NPR2: variants seen among roughly 807,000 people sequenced by gnomAD.
The protein encoded by NPR2 is atrial natriuretic peptide receptor 2.
In NPR2, 49 loss-of-function variants were observed where a neutral mutation model predicts 120.7. The ratio of observed to expected loss-of-function variants is 0.41; its 90% CI spans 0.32 to 0.52. The LOEUF (loss-of-function observed/expected upper bound fraction) is 0.52. NPR2 is among the 20% of genes least tolerant of loss of function. NPR2 has a pLI of 0.36. For synonymous variants in NPR2, 484 were observed against 519.8 expected (o/e 0.93, Z 0.94); for missense variants, 931 against 1,362.9 (o/e 0.68, Z 4.99).
chr9:35,801,580 G>C (rs1828161799), intron 7 of NPR2, 63 bp from the exon 8 acceptor site: 2 of 1,601,708 alleles, frequency 1.2e-6, no homozygotes, highest in East Asian at 2.2e-5. Context: ...CTGCAACCCT[G>C]CTGTTGGCTT....
rs1435167981 is a variant in NPR2, at chr9:35,792,349, T to C, written c.-60T>C. On this transcript the variant is annotated 5_prime_UTR_variant, in exon 1 of 22. Transcript: ENST00000342694. Reference sequence around the variant, plus strand: ...CTCCAGGCTGGGGGGTGCTCGCGTCTCCCCTGTAGGCCAGAGCAGCCCCAA... The same window carrying C: ...CTCCAGGCTGGGGGGTGCTCGCGTCCCCCCTGTAGGCCAGAGCAGCCCCAA... The C allele has an allele frequency of 5.8e-6, 9 of 1,557,482 alleles. No homozygotes were observed. The highest frequency in any genetic ancestry group is 7.8e-6 in the Non-Finnish European group (9 of 1,150,232).
Position 35,794,110 on chromosome 9 carries a change from T to C in NPR2, c.873+7T>C, listed in dbSNP as rs755406482. Reference sequence around the variant, plus strand: ...CCTCAGAGAGGCCTTTCAGGTATCATTTGAGCCAAATCTGAAGGAGGAGGG... The same window carrying C: ...CCTCAGAGAGGCCTTTCAGGTATCACTTGAGCCAAATCTGAAGGAGGAGGG... On this transcript the variant is annotated splice_region_variant and intron_variant, in intron 2 of 21. Transcript: ENST00000342694. 2.5e-6 allele frequency: 4 copies of C among 1,611,950 alleles called. No homozygotes were observed. In the South Asian group the frequency reaches 4.4e-5, roughly 18 times the overall value.
chr9:35,805,563 C>T lies in NPR2; in HGVS notation c.1940C>T (p.Ser647Phe). The stretch of plus-strand genomic sequence containing the variant: ...ATTTCATCGCATGGGAGTCTCAAGT[C>T]CTCCAACTGTGTGGTGGATAGTCGT... The part of the protein sequence containing the change: ...SIISSHGSLK[S>F]SNCVVDSRFV... Residue 647 changes from serine (S) to phenylalanine (F), a missense_variant, in exon 13 of 22, where the codon TCC becomes TTC. Coordinates refer to ENST00000342694, the MANE Select transcript of NPR2 (RefSeq NM_003995.4). The surrounding 1 kb of genome is among the most constrained non-coding windows in gnomAD (Gnocchi z 4.9). The T allele has an allele frequency of 6.2e-7, 1 of 1,614,144 alleles. No homozygotes were observed. The highest frequency in any genetic ancestry group is 8.5e-7 in the Non-Finnish European group (1 of 1,179,982).
Position 35,802,263 on chromosome 9 carries a change from G to C in NPR2, c.1690G>C (p.Val564Leu). The change falls in exon 10 of 22, where the codon GTT (valine) becomes CTT (leucine). Residue 564 changes from valine (V) to leucine (L), a missense_variant. Val to Leu is a conservative substitution (Grantham distance 32). Transcript: ENST00000342694. This position sits in a 1 kb window ranked among gnomAD's most constrained non-coding sequence, Gnocchi z 4.2. ...NKKRIELTRQVLFELKHMRDV... is the reference protein window; with the variant it reads ...NKKRIELTRQLLFELKHMRDV... ...GAAGCGCATTGAGCTGACCCGGCAG[G>C]TTCTGTTTGAACTCAAACATGTATG... The C allele has an allele frequency of 1.9e-6, 3 of 1,601,770 alleles. No homozygotes were observed. The highest frequency in any genetic ancestry group is 2.6e-6 in the Non-Finnish European group (3 of 1,169,378).
chr9:35,798,097 T>G (rs553742577), intron 2 of NPR2, among the ~76,000 whole-genome samples: 2 of 152,360 alleles, frequency 1.3e-5, no homozygotes, highest in East Asian at 3.9e-4. Flanking sequence ...ATAAAGCGAT[T>G]GTGAGACCAA....
intron 12 of NPR2, among the ~76,000 whole-genome samples, chr9:35,804,818 C>A: frequency 8.5e-6 from 1 of 118,018 alleles, no homozygotes; most frequent in South Asian, 3.5e-4. Context: ...CTGCCCACCT[C>A]CCTCTAGTAG....
In NPR2 at chr9:35,806,576, A is replaced by G; in HGVS notation, c.2519+38A>G. 1 of 1,613,178 alleles carries G rather than the reference A, an allele frequency of 6.2e-7. No homozygotes were observed. ...CCCCCTTCCTGTATTTTCTTTTGGG[A>G]TTCTGCTCTGTTGGGCTCTGCCTCA... is the stretch of plus-strand genomic sequence containing the variant. On this transcript the variant is annotated intron_variant, in intron 16 of 21. Coordinates refer to ENST00000342694, the MANE Select transcript of NPR2 (RefSeq NM_003995.4). The surrounding 1 kb of genome is among the most constrained non-coding windows in gnomAD (Gnocchi z 4.6).
Position 35,808,092 on chromosome 9 carries a change from T to G in NPR2, c.2713-417T>G, listed in dbSNP as rs1032242652. ...ATTCTCTTACATAGCTTTGGCACAA[T>G]TACCAAAATCAAATGCCTGCTTTCC... On this transcript the variant is annotated intron_variant, in intron 18 of 21. Transcript: ENST00000342694. This position sits in a 1 kb window ranked among gnomAD's most constrained non-coding sequence, Gnocchi z 4.0. 6.7e-6 allele frequency: 7 copies of G among 1,041,438 alleles called. No homozygotes were observed. The African/African-American group carries it at 1.1e-4, about 16-fold the overall frequency. The allele number at this position is 1,041,438 out of a possible 1,614,324, so 64.5% of individuals were successfully genotyped here. A position where few individuals can be genotyped will look rare whatever the true frequency, so the allele number is the denominator to read the frequency against.
In NPR2 at chr9:35,800,033, C is replaced by T. The variant is rs28764009; in HGVS notation, c.999C>T (p.Ile333=). Residue 333 remains isoleucine (I), a synonymous_variant, in exon 4 of 22, where the codon ATC becomes ATT. Transcript: ENST00000342694. This position sits in a 1 kb window ranked among gnomAD's most constrained non-coding sequence, Gnocchi z 4.7. ...GTTGCCACCCCCAGATGAACCTCAT[C>T]GCTGGCTGCTTCTATGATGGGATCC... ...VELGPSLMNL[I]AGCFYDGILL... The T allele has an allele frequency of 1.1e-4, 170 of 1,614,012 alleles. 1 individual carries two copies. The East Asian group carries it at 2.8e-3, about 27-fold the overall frequency.
intron 12 of NPR2, among the ~76,000 whole-genome samples, chr9:35,804,970 T>C (rs1301318110): frequency 7.1e-5 from 10 of 140,780 alleles, no homozygotes; most frequent in Non-Finnish European, 1.5e-4. Context: ...GTAGATCTTG[T>C]TCCTCCTCTA....
Position 35,802,155 on chromosome 9 carries a change from C to G in NPR2, c.1633-51C>G. On this transcript the variant is annotated intron_variant, in intron 9 of 21. Coordinates refer to ENST00000342694, the MANE Select transcript of NPR2 (RefSeq NM_003995.4). The surrounding 1 kb of genome is among the most constrained non-coding windows in gnomAD (Gnocchi z 4.2). ...CACTGCTCTCTAGCATTTCCTTGTA[C>G]CCAGAACTTCTGATATTCACTTTCC... 7.3e-7 allele frequency: 1 copy of G among 1,364,916 alleles called. No individual in the cohort carries two copies. Among genetic ancestry groups the G allele is most frequent in the Non-Finnish European group, 1.0e-6 (1 of 952,876 alleles). 84.6% of individuals were successfully genotyped at this position (1,364,916 alleles called of 1,614,324 possible).
chr9:35,799,550 T>G (rs1828065390), intron 2 of NPR2, 68 bp from the exon 3 acceptor site: 4 of 1,150,308 alleles, frequency 3.5e-6, no homozygotes, highest in Non-Finnish European at 5.3e-6. Context: ...TTCCCTGTCC[T>G]GCATCTTCTC....
In NPR2 at chr9:35,799,741, T is replaced by A. The variant is rs547211547; in HGVS notation, c.987+10T>A. 10 of 1,597,248 alleles carry A rather than the reference T, an allele frequency of 6.3e-6. No homozygotes were observed. The African/African-American group carries it at 1.1e-4, about 17-fold the overall frequency. On this transcript the variant is annotated intron_variant, in intron 3 of 21. Transcript: ENST00000342694. ...GCTGGGCCCTTCCCTGGTAAGTAGA[T>A]CTCTCCCTTCCTGAGAGTCAGGTCA... is the stretch of plus-strand genomic sequence containing the variant.
chr9:35,797,882 C>T (rs967594590), intron 2 of NPR2, among the ~76,000 whole-genome samples: 2 of 152,126 alleles, frequency 1.3e-5, no homozygotes, highest in Non-Finnish European at 2.9e-5. Flanking sequence ...TGCTTTGTCA[C>T]GCTTGTTCTT....
chr9:35,803,394 G>A lies in NPR2; in HGVS notation c.1887+591G>A, dbSNP rs1202999180. On this transcript the variant is annotated intron_variant, in intron 12 of 21. Transcript: ENST00000342694. Reference sequence around the variant, plus strand: ...GCTGGGATTACAGGCGTGAGCCACCGCGCCCGGCCTGAACATATTTATCTC... The same window carrying A: ...GCTGGGATTACAGGCGTGAGCCACCACGCCCGGCCTGAACATATTTATCTC... 3.3e-5 allele frequency among the ~76,000 whole-genome samples: 5 copies of A among 151,896 alleles called. 1 individual carries two copies. Among genetic ancestry groups the A allele is most frequent in the South Asian group, 4.2e-4 (2 of 4,808 alleles).
In NPR2 at chr9:35,806,853, C is replaced by G. The variant is rs963366338; in HGVS notation, c.2520-170C>G. ...CTCAAACCCCCCCGCCACTTGTGTG[C>G]CTTACCTTGCATTAGACTGTAATGT... On this transcript the variant is annotated intron_variant, in intron 16 of 21. Coordinates refer to ENST00000342694, the MANE Select transcript of NPR2 (RefSeq NM_003995.4). This position sits in a 1 kb window ranked among gnomAD's most constrained non-coding sequence, Gnocchi z 4.6. 2.6e-5 allele frequency among the ~76,000 whole-genome samples: 4 copies of G among 152,198 alleles called. No homozygotes were observed. The highest frequency in any genetic ancestry group is 5.9e-5 in the Non-Finnish European group (4 of 68,032).
At chr9:35,799,191 G>A (rs867869998) in intron 2 of NPR2, among the ~76,000 whole-genome samples, 1 of 152,208 alleles carries the variant, frequency 6.6e-6, no homozygotes. Context: ...GTTAGTGGGT[G>A]TTGTCCTTGA....
intron 3 of NPR2, 34 bp from the exon 4 acceptor site, chr9:35,799,988 A>T: frequency 6.2e-7 from 1 of 1,613,066 alleles, no homozygotes; most frequent in South Asian, 1.1e-5. Flanking sequence ...CTTGCAGGAC[A>T]TTTGGAGAGT....
chr9:35,799,977 C>T (rs764770282), intron 3 of NPR2, 45 bp from the exon 4 acceptor site: 25 of 1,611,822 alleles, frequency 1.6e-5, no homozygotes, highest in Non-Finnish European at 2.0e-5. Flanking sequence ...GGGGAAGGGG[C>T]CTTGCAGGAC....
Sources: allele counts gnomAD v4.1 joint callset (sites outside exome capture counted in the v4.1 genomes callset), GRCh38; gene constraint gnomAD v4.1.1; non-coding constraint Gnocchi (gnomAD v3.1); transcripts MANE v1.5; gene names NCBI Gene and HGNC (gene_info 2026-07-23, HGNC 2026-07-21).